Variants in ADARB1 observed in about 807,000 individuals in gnomAD.
The protein encoded by ADARB1 is double-stranded RNA-specific editase 1.
Under a neutral mutation model 52.4 loss-of-function variants are expected in ADARB1, and 10 were observed. The observed-to-expected ratio is 0.19, with a 90% CI of 0.12 to 0.32. The LOEUF (loss-of-function observed/expected upper bound fraction) is 0.32, where lower values mean the gene tolerates loss of function less well. Ranked by LOEUF, ADARB1 falls within the 10% of genes least tolerant of loss-of-function variation. ADARB1 has a pLI of 1.00. For synonymous variants in ADARB1, 349 were observed against 371.1 expected (o/e 0.94, Z 0.68); for missense variants, 643 against 922.3 (o/e 0.70, Z 3.92).
At position 45,222,446 on chromosome 21, in the gene ADARB1, C is replaced by T; in HGVS notation, c.*249C>T. On this transcript the variant is annotated 3_prime_UTR_variant, in exon 11 of 11. Coordinates refer to ENST00000348831, the MANE Select transcript of ADARB1 (RefSeq NM_001112.4). The stretch of plus-strand genomic sequence containing the variant: ...TGGCATCTCTCTGCCGCAGCATTTC[C>T]CCTTCTGAACCGTCCAGTGACTGCT... The T allele has an allele frequency of 3.1e-6, 4 of 1,274,006 alleles. No individual in the cohort carries two copies. The highest frequency in any genetic ancestry group is 3.9e-6 in the Non-Finnish European group (4 of 1,013,390). 78.9% of individuals were successfully genotyped at this position (1,274,006 alleles called of 1,614,324 possible). A position where few individuals can be genotyped will look rare whatever the true frequency, so the allele number is the denominator to read the frequency against.
chr21:45,138,914 G>C (rs1034678152), intron 2 of ADARB1, among the ~76,000 whole-genome samples: 1 of 145,386 alleles, frequency 6.9e-6, no homozygotes, highest in African/African-American at 2.5e-5. Flanking sequence ...CTGTCAGTTT[G>C]TTGTCTTCTT....
intron 4 of ADARB1, 23 bp from the exon 5 acceptor site, chr21:45,180,307 C>A: frequency 1.3e-6 from 2 of 1,578,674 alleles, no homozygotes; most frequent in Non-Finnish European, 1.7e-6. Context: ...GGCCCCTAAC[C>A]TGCATCTGTG....
chr21:45,190,912 A>G (rs1037329229), intron 8 of ADARB1, among the ~76,000 whole-genome samples: 18 of 152,348 alleles, frequency 1.2e-4, no homozygotes, highest in Non-Finnish European at 2.1e-4. Flanking sequence ...GCACCTTGCT[A>G]TTTAGGGAAA....
Position 45,170,737 on chromosome 21 carries a change from T to C in ADARB1, c.-47-873T>C, listed in dbSNP as rs187739712. Among the ~76,000 whole-genome samples the C allele has an allele frequency of 2.6e-3, 392 of 152,266 alleles. 5 individuals carry two copies. The highest frequency in any genetic ancestry group is 2.9e-3 in the Non-Finnish European group (198 of 68,006). ...CAAAGTAACGTGTGATTATAAAATT[T>C]GCAAATCTTCTTTTTCCTCAATTGC... On this transcript the variant is annotated intron_variant, in intron 2 of 10. Coordinates refer to ENST00000348831, the MANE Select transcript of ADARB1 (RefSeq NM_001112.4).
chr21:45,185,647 T>C (rs1394060193), intron 8 of ADARB1, among the ~76,000 whole-genome samples: 1 of 152,210 alleles, frequency 6.6e-6, no homozygotes, highest in Non-Finnish European at 1.5e-5. Context: ...GAGATATTCA[T>C]CTTTCAGAGG....
chr21:45,153,923 C>G (rs442743), intron 2 of ADARB1, among the ~76,000 whole-genome samples: 1 of 152,114 alleles, frequency 6.6e-6, no homozygotes, highest in Non-Finnish European at 1.5e-5. Flanking sequence ...CTAAGACAGG[C>G]AATAGGGAGT....
intron 8 of ADARB1, among the ~76,000 whole-genome samples, chr21:45,191,010 G>A (rs113962956): frequency 1.5e-4 from 23 of 152,288 alleles, no homozygotes; most frequent in African/African-American, 5.3e-4. Flanking sequence ...ACTGGATACT[G>A]TAGCTTCTCA....
intron 1 of ADARB1, among the ~76,000 whole-genome samples, chr21:45,096,744 C>G (rs955743473): frequency 2.0e-5 from 3 of 152,154 alleles, no homozygotes; most frequent in Non-Finnish European, 4.4e-5. Flanking sequence ...GAGGAATTTT[C>G]TCCTCTCTTT....
chr21:45,096,212 G>C (rs552628563), intron 1 of ADARB1, among the ~76,000 whole-genome samples: 1 of 152,386 alleles, frequency 6.6e-6, no homozygotes, highest in Non-Finnish European at 1.5e-5. Flanking sequence ...AAGAGGAGAG[G>C]AGGACCGGCT....
At chr21:45,122,992 C>T (rs190947114) in intron 1 of ADARB1, among the ~76,000 whole-genome samples, 5 of 152,276 alleles carry the variant, frequency 3.3e-5, no homozygotes, top group Admixed American at 2.6e-4. Flanking sequence ...GTTGATCATA[C>T]AGCAGCTACT....
At chr21:45,123,439 G>T (rs1408713138) in intron 1 of ADARB1, among the ~76,000 whole-genome samples, 1 of 152,174 alleles carries the variant, frequency 6.6e-6, no homozygotes. Context: ...GAGCAGTTGG[G>T]ATTACAGACA....
chr21:45,134,761 C>T, intron 2 of ADARB1: 1 of 532,452 alleles, frequency 1.9e-6, no homozygotes, highest in South Asian at 1.4e-5. Flanking sequence ...ATCCAGCGAG[C>T]ATTGAGGACC....
chr21:45,205,138 G>C (rs566663522), intron 9 of ADARB1, among the ~76,000 whole-genome samples: 1 of 152,266 alleles, frequency 6.6e-6, no homozygotes, highest in South Asian at 2.1e-4. Flanking sequence ...GGGCATGCCT[G>C]TGGTCCCAGC....
intron 3 of ADARB1, 138 bp from the exon 4 acceptor site, chr21:45,175,592 A>T (rs1316869088): frequency 3.5e-6 from 3 of 857,792 alleles, no homozygotes; most frequent in Non-Finnish European, 5.5e-6. Flanking sequence ...ATAACTCTTC[A>T]TGTATACATC....
intron 2 of ADARB1, among the ~76,000 whole-genome samples, chr21:45,133,931 C>A (rs1216686110): frequency 2.0e-5 from 2 of 101,556 alleles, no homozygotes; most frequent in African/African-American, 8.1e-5. Flanking sequence ...GTGTGTGCGC[C>A]CGACGGGGGT....
At chr21:45,091,001 G>A (rs2086540711) in intron 1 of ADARB1, among the ~76,000 whole-genome samples, 1 of 152,234 alleles carries the variant, frequency 6.6e-6, no homozygotes. Context: ...TTGCTGCCAT[G>A]TTATATTCAT....
intron 1 of ADARB1, among the ~76,000 whole-genome samples, chr21:45,123,274 C>CGTGTGTGTGT (rs10647195): frequency 3.4e-5 from 5 of 148,990 alleles, no homozygotes; most frequent in African/African-American, 1.2e-4. Flanking sequence ...ATATATACTA[C>CGTGTGTGTGT]GTGTGTGTGT....
intron 2 of ADARB1, among the ~76,000 whole-genome samples, chr21:45,149,823 G>A (rs2090192748): frequency 6.6e-6 from 1 of 152,204 alleles, no homozygotes; most frequent in Non-Finnish European, 1.5e-5. Flanking sequence ...CGGGGCTAGC[G>A]CACAGCGGCC....
At chr21:45,189,614 G>A (rs1601857782) in intron 8 of ADARB1, among the ~76,000 whole-genome samples, 1 of 152,044 alleles carries the variant, frequency 6.6e-6, no homozygotes, top group African/African-American at 2.4e-5. Context: ...AGCATTTCTT[G>A]TAAAGCAGGC....
Sources: gnomAD v4.1 joint callset for allele counts (sites outside exome capture counted in the v4.1 genomes callset) on GRCh38, gnomAD v4.1.1 for gene constraint, MANE v1.5 for transcripts, NCBI Gene and HGNC (gene_info 2026-07-23, HGNC 2026-07-21) for gene names.